The following COL6A5 variants were observed in gnomAD, a reference collection of about 807,000 sequenced individuals.
COL6A5 encodes collagen alpha-5(VI) chain.
A neutral mutation model predicts 65.6 loss-of-function variants in COL6A5; 48 were observed. The observed-to-expected ratio is 0.73, with a 90% confidence interval of 0.58 to 0.93. The LOEUF (loss-of-function observed/expected upper bound fraction) is 0.93, where lower values mean the gene tolerates loss of function less well. COL6A5 is among the 40% of genes least tolerant of loss of function. COL6A5 has a pLI of 0.00. For synonymous variants in COL6A5, 291 were observed against 322.8 expected (o/e 0.90, Z 1.05); for missense variants, 914 against 928.3 (o/e 0.98, Z 0.20).
intron 7 of COL6A5, among the ~76,000 whole-genome samples, chr3:130,481,288 C>T (rs768350228): frequency 6.8e-6 from 1 of 147,796 alleles, no homozygotes; most frequent in Non-Finnish European, 1.5e-5. Context: ...TGAGTGGGAA[C>T]ATGTGGTGTT....
intron 4 of COL6A5, among the ~76,000 whole-genome samples, chr3:130,446,501 A>G (rs151007524): frequency 0.03 from 4,570 of 152,224 alleles, 161 homozygotes; most frequent in African/African-American, 0.083. Context: ...TAGGTTTGTA[A>G]GAAGAAAAAG....
At chr3:130,376,899 C>T in intron 3 of COL6A5, 63 bp downstream of exon 3, 2 of 1,465,442 alleles carry the variant, frequency 1.4e-6, no homozygotes, top group East Asian at 2.4e-5. Context: ...TGTCCACTCT[C>T]ACCTCTTGCA....
chr3:130,350,767 A>C (rs1182047018), intron 1 of COL6A5, among the ~76,000 whole-genome samples: 9 of 152,222 alleles, frequency 5.9e-5, no homozygotes, highest in Admixed American at 5.9e-4. Context: ...TGCCATCCCC[A>C]TCAAGCTACC....
In COL6A5 at chr3:130,394,904, G is replaced by A. The variant is rs1398103358; in HGVS notation, c.3007G>A (p.Glu1003Lys). The A allele has an allele frequency of 2.6e-6, 4 of 1,549,918 alleles. No homozygotes were observed. The African/African-American group carries it at 5.5e-5, about 21-fold the overall frequency. ...TTCTATTGCAGTCTGTCATCTTCAGGAAGCTGACGTGATTTTCCTTTGCGA... is the reference window on the plus strand; with the variant it reads ...TTCTATTGCAGTCTGTCATCTTCAGAAAGCTGACGTGATTTTCCTTTGCGA... The change falls in exon 8 of 42, where the codon GAA becomes AAA. Residue 1003 changes from glutamate (E) to lysine (K), a missense_variant and NMD_transcript_variant. Physicochemically the swap from Glu to Lys is moderately conservative, Grantham distance 56. Transcript: ENST00000312481.
exon 4 of COL6A5, chr3:130,379,992 G>T: frequency 1.3e-6 from 2 of 1,550,660 alleles, no homozygotes; most frequent in Non-Finnish European, 1.7e-6. Flanking sequence ...AAAAGCTCCA[G>T]AATGAAATAT....
At chr3:130,383,844 T>C (rs760082173) in intron 4 of COL6A5, among the ~76,000 whole-genome samples, 10 of 152,034 alleles carry the variant, frequency 6.6e-5, no homozygotes, top group Non-Finnish European at 8.8e-5. Flanking sequence ...GGAAGGAACA[T>C]TGAGAAGTCT....
intron 1 of COL6A5, among the ~76,000 whole-genome samples, chr3:130,351,547 T>C (rs1486844349): frequency 8.6e-5 from 13 of 151,910 alleles, no homozygotes. Flanking sequence ...CCAACAGATA[T>C]GTGAAAAGAT....
chr3:130,437,981 T>G (rs572494622), intron 1 of COL6A5, among the ~76,000 whole-genome samples: 1 of 152,112 alleles, frequency 6.6e-6, no homozygotes, highest in East Asian at 1.9e-4. Flanking sequence ...ATAGAGGGGT[T>G]TTTTTTGTTT....
intron 7 of COL6A5, among the ~76,000 whole-genome samples, chr3:130,394,672 G>A (rs1258425987): frequency 6.6e-6 from 1 of 151,940 alleles, no homozygotes; most frequent in African/African-American, 2.4e-5. Flanking sequence ...CAAATGGATT[G>A]TATAAATAAT....
intron 11 of COL6A5, 82 bp downstream of exon 11, chr3:130,401,255 G>T: frequency 7.9e-7 from 1 of 1,259,686 alleles, no homozygotes; most frequent in Non-Finnish European, 1.1e-6. Context: ...TTCAAAGACT[G>T]CCTTTGTTTA....
chr3:130,385,691 G>A (rs981006162), intron 5 of COL6A5, among the ~76,000 whole-genome samples: 5 of 151,986 alleles, frequency 3.3e-5, no homozygotes, highest in Non-Finnish European at 7.4e-5. Context: ...GTATGTATGT[G>A]CATACACAAA....
At chr3:130,377,083 C>T (rs1453481712) in intron 3 of COL6A5, among the ~76,000 whole-genome samples, 2 of 152,092 alleles carry the variant, frequency 1.3e-5, no homozygotes, top group Admixed American at 6.6e-5. Context: ...AAATCTCATC[C>T]CTACATTCTT....
At chr3:130,428,537 A>C (rs1048252786), upstream of COL6A5, among the ~76,000 whole-genome samples, 1 of 152,240 alleles carries the variant, frequency 6.6e-6, no homozygotes, top group African/African-American at 2.4e-5. Context: ...TCAACTTTAA[A>C]GAAATTGTTC....
At chr3:130,439,478 TA>T (rs1376921868) in intron 1 of COL6A5, 43 bp from the exon 34 acceptor site, 4 of 1,457,708 alleles carry the variant, frequency 2.7e-6, no homozygotes, top group Non-Finnish European at 3.8e-6. Flanking sequence ...TACTAGTGAC[TA>T]AAAACAATGA....
chr3:130,447,492 T>C (rs1559908957), intron 4 of COL6A5, among the ~76,000 whole-genome samples: 1 of 152,152 alleles, frequency 6.6e-6, no homozygotes, highest in Admixed American at 6.6e-5. Flanking sequence ...CCTGAGCTTC[T>C]TGGATTGTAA....
In COL6A5 at chr3:130,401,669, T is replaced by C. The variant is rs1158157118; in HGVS notation, c.4135-93T>C. On this transcript the variant is annotated intron_variant and NMD_transcript_variant, in intron 11 of 41. Coordinates refer to the COL6A5 transcript ENST00000312481. ...CATCCAAAGGGTGAAGATGGGCGTG[T>C]AGATGGTGGATTATGATTTGTATGA... is the stretch of plus-strand genomic sequence containing the variant. 47 of 927,640 alleles carry C rather than the reference T, an allele frequency of 5.1e-5. 1 individual carries two copies. The East Asian group carries it at 1.2e-3, about 23-fold the overall frequency. 57.5% of individuals were successfully genotyped at this position (927,640 alleles called of 1,614,324 possible).
intron 7 of COL6A5, among the ~76,000 whole-genome samples, chr3:130,475,900 G>A (rs1279616655): frequency 6.6e-6 from 1 of 152,122 alleles, no homozygotes; most frequent in African/African-American, 2.4e-5. Context: ...CTAGTACACA[G>A]ATGGAGAAAC....
chr3:130,479,912 T>C (rs139070734), intron 7 of COL6A5, among the ~76,000 whole-genome samples: 66 of 152,194 alleles, frequency 4.3e-4, no homozygotes, highest in African/African-American at 1.5e-3. Flanking sequence ...TTTTAAACAA[T>C]ATTTCCCAGA....
At chr3:130,353,070 G>T (rs929530775) in intron 1 of COL6A5, among the ~76,000 whole-genome samples, 2 of 152,184 alleles carry the variant, frequency 1.3e-5, no homozygotes, top group Admixed American at 1.3e-4. Context: ...TGAAAATTAT[G>T]AAACCTAATG....
Sources: gnomAD v4.1 joint callset for allele counts (sites outside exome capture counted in the v4.1 genomes callset) on GRCh38, gnomAD v4.1.1 for gene constraint, MANE v1.5 for transcripts, NCBI Gene and HGNC (gene_info 2026-07-23, HGNC 2026-07-21) for gene names.